FZD3: variants seen among roughly 807,000 people sequenced by gnomAD.
FZD3 encodes the protein frizzled-3.
A neutral mutation model predicts 60.7 loss-of-function variants in FZD3; 30 were observed. That is an observed-to-expected ratio of 0.49 (90% CI 0.37 to 0.67). FZD3 has a LOEUF of 0.67. FZD3 is among the 30% of genes least tolerant of loss of function. The probability of loss-of-function intolerance (pLI) is 0.00; values close to 1 mark genes in which losing one functional copy is unlikely to be tolerated. For missense variants in FZD3, 605 were observed against 838.7 expected, an observed-to-expected ratio of 0.72 and a Z score of 3.44; for synonymous variants, 246 against 275.2, an observed-to-expected ratio of 0.89 and a Z score of 1.05.
In FZD3 at chr8:28,571,495, T is replaced by C. The variant is rs1805806289; in HGVS notation, c.*8484T>C. The C allele has an allele frequency of 1.3e-5, 2 of 152,320 alleles. No homozygotes were observed. Among genetic ancestry groups the C allele is most frequent in the African/African-American group, 4.8e-5 (2 of 41,578 alleles). 9.4% of individuals were successfully genotyped at this position (152,320 alleles called of 1,614,324 possible). ...ACTCCCCAATGTGAAAATATTAGTC[T>C]GGACATTCTCTTGCCATCAGGTGCT... is the stretch of plus-strand genomic sequence containing the variant. On this transcript the variant is annotated 3_prime_UTR_variant, in exon 8 of 8. Coordinates refer to ENST00000240093, the MANE Select transcript of FZD3 (RefSeq NM_017412.4).
chr8:28,527,360 A>C lies in FZD3; in HGVS notation c.600A>C (p.Ser200=). 6.2e-7 allele frequency: 1 copy of C among 1,613,654 alleles called. No homozygotes were observed. Among genetic ancestry groups the C allele is most frequent in the African/African-American group, 1.3e-5 (1 of 75,010 alleles). Residue 200 remains serine, a synonymous_variant, in exon 5 of 8, where the codon TCA becomes TCC. Coordinates refer to ENST00000240093, the MANE Select transcript of FZD3 (RefSeq NM_017412.4). This position sits in a 1 kb window ranked among gnomAD's most constrained non-coding sequence, Gnocchi z 5.0. The part of the protein sequence containing the change: ...PNMYFRREEL[S]FARYFIGLIS... ...TGTACTTCAGAAGAGAAGAACTGTC[A>C]TTTGCTCGCTATTTCATAGGATTGA...
At chr8:28,529,338 A>T (rs981284591) in intron 5 of FZD3, among the ~76,000 whole-genome samples, 1 of 151,804 alleles carries the variant, frequency 6.6e-6, no homozygotes, top group African/African-American at 2.4e-5. Context: ...ATCTCCTCCA[A>T]CCTTTGTTAC....
intron 3 of FZD3, among the ~76,000 whole-genome samples, chr8:28,518,270 C>A (rs905287466): frequency 1.3e-5 from 2 of 150,506 alleles, no homozygotes; most frequent in African/African-American, 2.5e-5. Flanking sequence ...TTTGCCCAGG[C>A]TGGTCTCAAA....
chr8:28,556,867 C>T (rs1282756605), intron 7 of FZD3, among the ~76,000 whole-genome samples: 1 of 152,088 alleles, frequency 6.6e-6, no homozygotes, highest in Non-Finnish European at 1.5e-5. Flanking sequence ...GGGTTGGTTT[C>T]ACAGAGAAAA....
At chr8:28,544,462 TTAAA>T (rs1301217411) in intron 5 of FZD3, among the ~76,000 whole-genome samples, 1 of 152,218 alleles carries the variant, frequency 6.6e-6, no homozygotes, top group Non-Finnish European at 1.5e-5. Flanking sequence ...ACTGTAGATA[TTAAA>T]TATCAGTATA....
intron 5 of FZD3, among the ~76,000 whole-genome samples, chr8:28,532,460 G>A (rs960834241): frequency 2.6e-5 from 4 of 152,088 alleles, no homozygotes; most frequent in African/African-American, 9.7e-5. Context: ...ACAAAGTCTC[G>A]CTCTGTTGCC....
intron 5 of FZD3, among the ~76,000 whole-genome samples, chr8:28,541,541 T>G (rs962970948): frequency 6.6e-6 from 1 of 152,250 alleles, no homozygotes; most frequent in Non-Finnish European, 1.5e-5. Context: ...AGAATCGAAG[T>G]TGGAAGATAG....
At chr8:28,534,757 T>C (rs192068984) in intron 5 of FZD3, among the ~76,000 whole-genome samples, 1 of 152,338 alleles carries the variant, frequency 6.6e-6, no homozygotes, top group African/African-American at 2.4e-5. Flanking sequence ...TTAATATTTG[T>C]TTTTGTTCAG....
intron 1 of FZD3, among the ~76,000 whole-genome samples, chr8:28,498,335 C>T (rs1803901023): frequency 6.7e-6 from 1 of 149,870 alleles, no homozygotes; most frequent in Non-Finnish European, 1.5e-5. Context: ...AAAAAAAAAT[C>T]AGTAAGAACG....
chr8:28,527,641 A>AT lies in FZD3; in HGVS notation c.888dup (p.Thr297TyrfsTer25), dbSNP rs765036679. On this transcript the variant is annotated frameshift_variant, in exon 5 of 8. Transcript: ENST00000240093. LOFTEE classifies it high-confidence loss of function. The surrounding 1 kb of genome is among the most constrained non-coding windows in gnomAD (Gnocchi z 5.0). ...TGTACCATGCTTTTTATGATACTCTATTTTTTTACTATGGCTGGCAGTGTA... is the reference window on the plus strand; with the variant it reads ...TGTACCATGCTTTTTATGATACTCTATTTTTTTTACTATGGCTGGCAGTGTA... 7 of 1,613,770 alleles carry AT rather than the reference A, an allele frequency of 4.3e-6. No homozygotes were observed. The highest frequency in any genetic ancestry group is 2.2e-5 in the East Asian group (1 of 44,878).
At chr8:28,561,524 A>G (rs1276227260) in intron 7 of FZD3, among the ~76,000 whole-genome samples, 2 of 152,012 alleles carry the variant, frequency 1.3e-5, no homozygotes, top group African/African-American at 4.8e-5. Context: ...ATTTTTGTGA[A>G]GGAATGGTGG....
chr8:28,538,420 C>T (rs1805075789), intron 5 of FZD3, among the ~76,000 whole-genome samples: 1 of 152,018 alleles, frequency 6.6e-6, no homozygotes, highest in Non-Finnish European at 1.5e-5. Flanking sequence ...TCATTTAATC[C>T]TCACATTAGC....
At chr8:28,519,800 A>G (rs1804526372) in intron 3 of FZD3, among the ~76,000 whole-genome samples, 1 of 151,614 alleles carries the variant, frequency 6.6e-6, no homozygotes, top group Non-Finnish European at 1.5e-5. Flanking sequence ...CTCAATGCCT[A>G]AATTACTACT....
At chr8:28,514,498 T>G (rs1164759546) in intron 3 of FZD3, among the ~76,000 whole-genome samples, 2 of 152,204 alleles carry the variant, frequency 1.3e-5, no homozygotes. Flanking sequence ...ACAGAGCATT[T>G]CCATCACCTG....
At chr8:28,558,185 T>G (rs951971545) in intron 7 of FZD3, among the ~76,000 whole-genome samples, 4 of 152,166 alleles carry the variant, frequency 2.6e-5, no homozygotes, top group African/African-American at 9.6e-5. Flanking sequence ...ACTTCAGGCA[T>G]TGGGGTGAGA....
At chr8:28,544,932 T>G (rs1327903445) in intron 5 of FZD3, among the ~76,000 whole-genome samples, 3 of 152,132 alleles carry the variant, frequency 2.0e-5, no homozygotes, top group Non-Finnish European at 4.4e-5. Context: ...GAGTCCTGAG[T>G]TGATGCAGGG....
intron 7 of FZD3, among the ~76,000 whole-genome samples, chr8:28,559,475 C>T (rs1805576239): frequency 1.3e-5 from 2 of 152,116 alleles, no homozygotes; most frequent in Non-Finnish European, 2.9e-5. Context: ...GTATCTAGCA[C>T]AGTACTAGGC....
intron 1 of FZD3, among the ~76,000 whole-genome samples, chr8:28,494,583 G>T (rs1171403602): frequency 6.6e-6 from 1 of 152,050 alleles, no homozygotes; most frequent in Non-Finnish European, 1.5e-5. Context: ...CGCGGTGGCG[G>T]CTGGGGGCCT....
rs1354756493 is a variant in FZD3, at chr8:28,502,815, T to C, written c.-199T>C. On this transcript the variant is annotated 5_prime_UTR_variant, in exon 3 of 8. Coordinates refer to ENST00000240093, the MANE Select transcript of FZD3 (RefSeq NM_017412.4). ...GACAAGATGATGTCATTTTCCCATA[T>C]TGTGAAACCAAAAACAAACGCCTTT... 1 of 382,170 alleles carries C rather than the reference T, an allele frequency of 2.6e-6. No homozygotes were observed. The highest frequency in any genetic ancestry group is 4.7e-6 in the Non-Finnish European group (1 of 214,238). 23.7% of individuals were successfully genotyped at this position (382,170 alleles called of 1,614,324 possible).
Sources: allele counts gnomAD v4.1 joint callset (sites outside exome capture counted in the v4.1 genomes callset), GRCh38; gene constraint gnomAD v4.1.1; non-coding constraint Gnocchi (gnomAD v3.1); transcripts MANE v1.5; gene names NCBI Gene and HGNC (gene_info 2026-07-23, HGNC 2026-07-21).